Variants in GCSH observed in about 807,000 individuals in gnomAD.
GCSH encodes glycine cleavage system H protein, mitochondrial.
In GCSH, 15 loss-of-function variants were observed where a neutral mutation model predicts 21.3. The observed-to-expected ratio is 0.70, with a 90% CI of 0.47 to 1.08. GCSH has a LOEUF of 1.08. Among genes scored for constraint, GCSH ranks in the 50% least tolerant of loss-of-function variants. The pLI, the probability that GCSH is intolerant of heterozygous loss-of-function variation, is 0.00. For missense variants in GCSH, 179 were observed against 217.5 expected (o/e 0.82, Z 1.11); for synonymous variants, 59 against 84.5 (o/e 0.70, Z 1.66).
chr16:81,096,107 C>G (rs942375866), intron 1 of GCSH, 24 bp downstream of exon 1: 1 of 1,244,298 alleles, frequency 8.0e-7, no homozygotes, highest in Non-Finnish European at 1.0e-6. Context: ...AGGGAGCAGC[C>G]GCCCACGTGC....
intron 4 of GCSH, chr16:81,083,306 C>T (rs8177949): frequency 0.02 from 6,401 of 324,842 alleles, 259 homozygotes; most frequent in African/African-American, 0.11. Context: ...TCACTTGAGG[C>T]TAGGAGCTCT....
chr16:81,084,409 A>T lies in GCSH; in HGVS notation c.424+54T>A, dbSNP rs746459574. On this transcript the variant is annotated intron_variant, in intron 4 of 4. Coordinates refer to ENST00000315467, the MANE Select transcript of GCSH (RefSeq NM_004483.5). ...CAGCTAAACTTGCTTTAAATTCTAGATAAAATATTTACTGTAGTAGTAATT... is the reference window on the plus strand; with the variant it reads ...CAGCTAAACTTGCTTTAAATTCTAGTTAAAATATTTACTGTAGTAGTAATT... 2.1e-5 allele frequency: 28 copies of T among 1,349,740 alleles called. No homozygotes were observed. The African/African-American group carries it at 3.4e-4, about 17-fold the overall frequency. 83.6% of individuals were successfully genotyped at this position (1,349,740 alleles called of 1,614,324 possible).
At chr16:81,093,221 C>T (rs1972433348) in intron 1 of GCSH, among the ~76,000 whole-genome samples, 1 of 151,610 alleles carries the variant, frequency 6.6e-6, no homozygotes, top group Non-Finnish European at 1.5e-5. Context: ...TTGTCTTTAA[C>T]ACTTAATTCT....
intron 2 of GCSH, among the ~76,000 whole-genome samples, chr16:81,089,676 C>G (rs528153668): frequency 2.6e-5 from 4 of 152,198 alleles, no homozygotes; most frequent in Non-Finnish European, 5.9e-5. Context: ...AACATCCCCC[C>G]TTCCCCGCCT....
At chr16:81,094,091 G>T (rs1443135989) in intron 1 of GCSH, among the ~76,000 whole-genome samples, 3 of 151,924 alleles carry the variant, frequency 2.0e-5, no homozygotes, top group Admixed American at 1.3e-4. Context: ...GTAGAGACAG[G>T]GTTTCACCAT....
chr16:81,091,830 A>C (rs1972404623), intron 1 of GCSH, among the ~76,000 whole-genome samples: 1 of 151,768 alleles, frequency 6.6e-6, no homozygotes, highest in Admixed American at 6.6e-5. Flanking sequence ...TATGTTGTCC[A>C]GACTGGTCTC....
intron 1 of GCSH, among the ~76,000 whole-genome samples, chr16:81,091,752 G>A (rs988693507): frequency 1.3e-5 from 2 of 151,936 alleles, no homozygotes; most frequent in Admixed American, 6.6e-5. Context: ...GCTCTGATAC[G>A]CAGCACAACG....
At chr16:81,090,816 C>A in intron 1 of GCSH, 136 bp from the exon 2 acceptor site, 1 of 715,834 alleles carries the variant, frequency 1.4e-6, no homozygotes. Context: ...TAGTGCATGG[C>A]TCAGGAAAGA....
chr16:81,090,609 A>T lies in GCSH; in HGVS notation c.220T>A (p.Phe74Ile). 1 of 1,599,936 alleles carries T rather than the reference A, an allele frequency of 6.3e-7. No homozygotes were observed. The highest frequency in any genetic ancestry group is 8.6e-7 in the Non-Finnish European group (1 of 1,167,526). Residue 74 changes from phenylalanine (F) to isoleucine (I), a missense_variant, in exon 2 of 5, where the codon TTT becomes ATT. By Grantham distance (21) the Phe-to-Ile change is conservative. Transcript: ENST00000315467. ...NGIGTVGISN[F>I]AQEALGDVVY... Reference sequence around the variant, plus strand: ...TCAATATAATCCAATACCTGTGCAAAATTGCTGATTCCCACTGTTCCAATG... The same window carrying T: ...TCAATATAATCCAATACCTGTGCAATATTGCTGATTCCCACTGTTCCAATG...
rs189618490 is a variant in GCSH, at chr16:81,086,861, C to T, written c.292+740G>A. 4.2e-4 allele frequency among the ~76,000 whole-genome samples: 57 copies of T among 135,370 alleles called. 1 individual carries two copies. Among genetic ancestry groups the T allele is most frequent in the Admixed American group, 3.3e-3 (42 of 12,906 alleles). 88.8% of individuals were successfully genotyped at this position (135,370 alleles called of 152,430 possible). ...GCAAAATAAACCTATGGTGTAGAAA[C>T]GAGAGAAGAGGTCATCTATTTGACT... On this transcript the variant is annotated intron_variant, in intron 3 of 4. Transcript: ENST00000315467.
intron 3 of GCSH, among the ~76,000 whole-genome samples, chr16:81,087,297 G>A (rs774441657): frequency 1.3e-5 from 2 of 152,090 alleles, no homozygotes; most frequent in Non-Finnish European, 1.5e-5. Context: ...AGGCCAAGGC[G>A]GGCGGATCAC....
chr16:81,093,204 T>G (rs964972693), intron 1 of GCSH, among the ~76,000 whole-genome samples: 1 of 152,168 alleles, frequency 6.6e-6, no homozygotes, highest in South Asian at 2.1e-4. Flanking sequence ...AGATAGTATA[T>G]AGTTATTTGT....
At chr16:81,090,791 G>C in intron 1 of GCSH, 111 bp from the exon 2 acceptor site, 1 of 772,014 alleles carries the variant, frequency 1.3e-6, no homozygotes, top group Non-Finnish European at 2.3e-6. Flanking sequence ...TTGACCTGTT[G>C]ACACTACCTT....
At position 81,087,651 on chromosome 16, in the gene GCSH, T is replaced by A; in HGVS notation, c.242A>T (p.Asp81Val). ...TTCAGGGAGACTACAATAAACAACA[T>A]CTCCCAACGCTTCCTAAATAAAACA... ...ISNFAQEALG[D>V]VVYCSLPEVG... The change falls in exon 3 of 5, where the codon GAT (aspartate) becomes GTT (valine). Residue 81 changes from aspartate to valine, a missense_variant. Transcript: ENST00000315467. The A allele has an allele frequency of 1.2e-6, 2 of 1,611,834 alleles. No individual in the cohort carries two copies. Among genetic ancestry groups the A allele is most frequent in the South Asian group, 2.2e-5 (2 of 91,038 alleles).
rs999971258 is a variant in GCSH at position 81,096,340 on chromosome 16, G to A, written c.-62C>T. Reference sequence around the variant, plus strand: ...GGCCACCCGCGCCGGGAGGCGGGGCGGGGAGGGGCAGTTCGCGGCCGGAGG... The same window carrying A: ...GGCCACCCGCGCCGGGAGGCGGGGCAGGGAGGGGCAGTTCGCGGCCGGAGG... On this transcript the variant is annotated 5_prime_UTR_variant, in exon 1 of 5. Coordinates refer to ENST00000315467, the MANE Select transcript of GCSH (RefSeq NM_004483.5). 9 of 1,319,306 alleles carry A rather than the reference G, an allele frequency of 6.8e-6. No individual in the cohort carries two copies. Among genetic ancestry groups the A allele is most frequent in the Non-Finnish European group, 7.8e-6 (8 of 1,031,702 alleles). The allele number at this position is 1,319,306 out of a possible 1,614,324, so 81.7% of individuals were successfully genotyped here.
At chr16:81,083,316 T>C (rs1489381799) in intron 4 of GCSH, 3 of 310,796 alleles carry the variant, frequency 9.7e-6, no homozygotes, top group African/African-American at 6.6e-5. Context: ...CTAGGAGCTC[T>C]AGACCAGCCT....
intron 1 of GCSH, chr16:81,091,003 TG>T: frequency 2.2e-6 from 1 of 458,186 alleles, no homozygotes; most frequent in South Asian, 1.7e-5. Context: ...TAACTATTAC[TG>T]GTCTGTCTTG....
intron 1 of GCSH, among the ~76,000 whole-genome samples, chr16:81,092,522 C>T (rs982904910): frequency 6.6e-6 from 1 of 151,524 alleles, no homozygotes; most frequent in South Asian, 2.1e-4. Flanking sequence ...GGGTGGATCA[C>T]CTGAGGTCCG....
At chr16:81,091,856 T>C (rs1223714150) in intron 1 of GCSH, among the ~76,000 whole-genome samples, 2 of 143,186 alleles carry the variant, frequency 1.4e-5, no homozygotes, top group Non-Finnish European at 1.5e-5. Context: ...CCTGAGCTCA[T>C]GATCCTCCCA....
Sources: gnomAD v4.1 joint callset for allele counts (sites outside exome capture counted in the v4.1 genomes callset) on GRCh38, gnomAD v4.1.1 for gene constraint, MANE v1.5 for transcripts, NCBI Gene and HGNC (gene_info 2026-07-23, HGNC 2026-07-21) for gene names.